The following RASAL2 variants were observed in gnomAD, a reference collection of about 807,000 sequenced individuals.
RASAL2 encodes RAS protein activator like 2, also known as ras GTPase-activating protein nGAP.
In RASAL2, 58 loss-of-function variants were observed where a neutral mutation model predicts 128.9. The observed-to-expected ratio is 0.45, with a 90% CI of 0.36 to 0.56. The LOEUF is 0.56. Among genes scored for constraint, RASAL2 ranks in the 20% least tolerant of loss-of-function variants. RASAL2 has a pLI of 0.00. For synonymous variants in RASAL2, 561 were observed against 580.8 expected (o/e 0.97, Z 0.49); for missense variants, 1,360 against 1,601.6 (o/e 0.85, Z 2.57).
chr1:178,414,228 C>A (rs1411044949), intron 4 of RASAL2, among the ~76,000 whole-genome samples: 1 of 152,102 alleles, frequency 6.6e-6, no homozygotes, highest in East Asian at 1.9e-4. Flanking sequence ...GGGGGACTAT[C>A]AATGTATGAC....
chr1:178,331,298 A>C (rs1669295366), intron 3 of RASAL2, among the ~76,000 whole-genome samples: 1 of 152,232 alleles, frequency 6.6e-6, no homozygotes, highest in South Asian at 2.1e-4. Context: ...CAGCCTCCTG[A>C]GTAGCTGGGA....
chr1:178,411,463 T>G (rs1175527527), intron 4 of RASAL2, among the ~76,000 whole-genome samples: 2 of 152,112 alleles, frequency 1.3e-5, no homozygotes, highest in African/African-American at 4.8e-5. Context: ...ACTGCTCAGG[T>G]GATGGGTGCC....
intron 1 of RASAL2, among the ~76,000 whole-genome samples, chr1:178,156,395 C>T (rs1661085225): frequency 6.6e-6 from 1 of 152,116 alleles, no homozygotes; most frequent in Non-Finnish European, 1.5e-5. Flanking sequence ...TTTTAGAATA[C>T]ATATGAGTAA....
At chr1:178,389,272 C>A in intron 3 of RASAL2, 1 of 983,626 alleles carries the variant, frequency 1.0e-6, no homozygotes, top group Non-Finnish European at 1.2e-6. Context: ...TTATGTCTGT[C>A]AGTTGAAGTG....
intron 12 of RASAL2, among the ~76,000 whole-genome samples, chr1:178,455,280 AT>A (rs1677688926): frequency 6.6e-6 from 1 of 152,212 alleles, no homozygotes; most frequent in Admixed American, 6.5e-5. Context: ...AAAGGAATAG[AT>A]TTGGTAGTAA....
intron 3 of RASAL2, among the ~76,000 whole-genome samples, chr1:178,387,548 C>T (rs555615080): frequency 9.9e-5 from 15 of 151,732 alleles, no homozygotes; most frequent in African/African-American, 2.9e-4. Flanking sequence ...CAACAGTCCC[C>T]GGAGTGTGAT....
At chr1:178,111,290 G>A (rs972498122) in intron 1 of RASAL2, among the ~76,000 whole-genome samples, 23 of 152,052 alleles carry the variant, frequency 1.5e-4, no homozygotes, top group African/African-American at 5.6e-4. Context: ...GTATTTTTTT[G>A]TAGAGACAGG....
At chr1:178,473,026 G>A (rs1648413547) in intron 17 of RASAL2, 49 bp from the exon 18 acceptor site, 2 of 1,599,132 alleles carry the variant, frequency 1.3e-6, no homozygotes, top group Non-Finnish European at 1.7e-6. Context: ...AAGAAAGCGT[G>A]TTACCTCCTG....
intron 4 of RASAL2, among the ~76,000 whole-genome samples, chr1:178,396,170 G>A (rs1673214562): frequency 6.6e-6 from 1 of 151,808 alleles, no homozygotes; most frequent in African/African-American, 2.4e-5. Context: ...AATGAGGGAA[G>A]CCCTCCTCAA....
At chr1:178,222,158 G>A (rs1386302684) in intron 1 of RASAL2, among the ~76,000 whole-genome samples, 1 of 152,136 alleles carries the variant, frequency 6.6e-6, no homozygotes, top group Admixed American at 6.5e-5. Flanking sequence ...TGTAGATAAC[G>A]TATAGTTAGG....
chr1:178,181,428 G>T (rs1489632946), intron 1 of RASAL2, among the ~76,000 whole-genome samples: 1 of 151,728 alleles, frequency 6.6e-6, no homozygotes, highest in East Asian at 1.9e-4. Flanking sequence ...CGCGATCTCA[G>T]CTCACTGCAA....
chr1:178,391,938 G>C (rs1672932245), intron 4 of RASAL2, among the ~76,000 whole-genome samples: 1 of 152,120 alleles, frequency 6.6e-6, no homozygotes, highest in Non-Finnish European at 1.5e-5. Context: ...TATAGTAGTG[G>C]ACTCTCACAA....
At chr1:178,370,362 G>T (rs1434539520) in intron 3 of RASAL2, among the ~76,000 whole-genome samples, 1 of 152,154 alleles carries the variant, frequency 6.6e-6, no homozygotes, top group Non-Finnish European at 1.5e-5. Flanking sequence ...AGGGATACTG[G>T]TGTGTCATGA....
At chr1:178,100,361 CA>C (rs11300878) in intron 1 of RASAL2, among the ~76,000 whole-genome samples, 135,245 of 143,092 alleles carry the variant, frequency 0.95, 64,117 homozygotes, top group East Asian at 1. Flanking sequence ...ACTATAAATA[CA>C]AAAAAAAAAA....
At chr1:178,352,082 C>G (rs1314591482) in intron 3 of RASAL2, among the ~76,000 whole-genome samples, 1 of 152,160 alleles carries the variant, frequency 6.6e-6, no homozygotes, top group Admixed American at 6.5e-5. Flanking sequence ...GAATCTTTGG[C>G]CAACAACTGT....
intron 1 of RASAL2, among the ~76,000 whole-genome samples, chr1:178,200,576 T>C (rs1662829874): frequency 6.6e-6 from 1 of 152,132 alleles, no homozygotes; most frequent in Non-Finnish European, 1.5e-5. Context: ...ATTGCAGTGA[T>C]TGAGAGTCTT....
chr1:178,218,332 A>G (rs1388571023), intron 1 of RASAL2, among the ~76,000 whole-genome samples: 1 of 152,204 alleles, frequency 6.6e-6, no homozygotes, highest in African/African-American at 2.4e-5. Context: ...GTCAATGAGC[A>G]GTAATATTTT....
intron 1 of RASAL2, among the ~76,000 whole-genome samples, chr1:178,257,873 A>G (rs944889738): frequency 6.6e-6 from 1 of 151,576 alleles, no homozygotes; most frequent in African/African-American, 2.4e-5. Context: ...GAATTGATAC[A>G]TAGCTAAATC....
At chr1:178,321,082 T>C (rs1209395512) in intron 3 of RASAL2, among the ~76,000 whole-genome samples, 1 of 152,172 alleles carries the variant, frequency 6.6e-6, no homozygotes, top group Non-Finnish European at 1.5e-5. Context: ...ACAATAATTT[T>C]TTATTTATTT....
Sources: gnomAD v4.1 joint callset for allele counts (sites outside exome capture counted in the v4.1 genomes callset) on GRCh38, gnomAD v4.1.1 for gene constraint, MANE v1.5 for transcripts, NCBI Gene and HGNC (gene_info 2026-07-23, HGNC 2026-07-21) for gene names.